The following LRP1B variants were observed in gnomAD, a reference collection of about 807,000 sequenced individuals.
The protein encoded by LRP1B is LDL receptor related protein 1B.
In LRP1B, 217 loss-of-function variants were observed where a neutral mutation model predicts 556.6. The ratio of observed to expected loss-of-function variants is 0.39; its 90% CI spans 0.35 to 0.44. LRP1B has a LOEUF of 0.44. Among genes scored for constraint, LRP1B ranks in the 20% least tolerant of loss-of-function variants. The pLI is 1.00. For missense variants in LRP1B, 5,053 were observed against 5,620.8 expected (o/e 0.90, Z 3.23); for synonymous variants, 2,047 against 1,865.8 (o/e 1.10, Z -2.50).
chr2:140,582,553 C>G (rs1232720574), intron 43 of LRP1B, among the ~76,000 whole-genome samples: 1 of 152,210 alleles, frequency 6.6e-6, no homozygotes, highest in East Asian at 1.9e-4. Flanking sequence ...CTCATTAGCC[C>G]GTCCTTATAC....
chr2:140,724,557 G>C (rs1294188846), intron 35 of LRP1B, among the ~76,000 whole-genome samples: 1 of 152,060 alleles, frequency 6.6e-6, no homozygotes, highest in Non-Finnish European at 1.5e-5. Flanking sequence ...TCTATATAAA[G>C]TGTGTTTCAA....
intron 37 of LRP1B, among the ~76,000 whole-genome samples, chr2:140,707,025 T>G (rs1158971132): frequency 6.6e-6 from 1 of 152,120 alleles, no homozygotes; most frequent in Non-Finnish European, 1.5e-5. Flanking sequence ...AATGTTATCC[T>G]TATACTCTAC....
intron 1 of LRP1B, among the ~76,000 whole-genome samples, chr2:142,024,572 C>A (rs1253928521): frequency 2.0e-5 from 3 of 149,120 alleles, no homozygotes; most frequent in East Asian, 2.0e-4. Flanking sequence ...TTTCTAGCAA[C>A]TTCCTTCAAT....
chr2:140,234,602 T>A lies in LRP1B; in HGVS notation c.13659+184A>T. On this transcript the variant is annotated intron_variant, in intron 90 of 90. Transcript: ENST00000389484. ...CTACTTAATGGCTTGCCTAAAATAA[T>A]GTTTTAGATGTAATCTTGCATAGAC... 4 of 457,268 alleles carry A rather than the reference T, an allele frequency of 8.7e-6. No homozygotes were observed. The South Asian group carries it at 1.8e-4, about 20-fold the overall frequency. 28.3% of individuals were successfully genotyped at this position (457,268 alleles called of 1,614,324 possible).
chr2:141,501,986 TC>T (rs1271189538), intron 2 of LRP1B, among the ~76,000 whole-genome samples: 9 of 152,054 alleles, frequency 5.9e-5, no homozygotes, highest in Admixed American at 5.9e-4. Context: ...AACCTCATGA[TC>T]TAACCTCAAA....
Position 141,224,530 on chromosome 2 carries a change from C to T in LRP1B, c.850+4653G>A, listed in dbSNP as rs192754189. Among the ~76,000 whole-genome samples the T allele has an allele frequency of 3.8e-4, 58 of 152,214 alleles. 2 individuals carry two copies. In the South Asian group the frequency reaches 9.1e-3, roughly 24 times the overall value. On this transcript the variant is annotated intron_variant, in intron 6 of 90. Transcript: ENST00000389484. Reference sequence around the variant, plus strand: ...TCATTCTATTGTAAAGATAGATGCACGTGTATGTTCATTTCAGCACTATTC... The same window carrying T: ...TCATTCTATTGTAAAGATAGATGCATGTGTATGTTCATTTCAGCACTATTC...
chr2:140,870,596 A>G (rs1693098310), intron 25 of LRP1B, among the ~76,000 whole-genome samples: 1 of 152,150 alleles, frequency 6.6e-6, no homozygotes, highest in African/African-American at 2.4e-5. Context: ...TTGCTCTTAC[A>G]GTAGTAATCA....
intron 2 of LRP1B, among the ~76,000 whole-genome samples, chr2:141,508,022 G>A (rs1165330695): frequency 6.6e-6 from 1 of 151,800 alleles, no homozygotes; most frequent in East Asian, 1.9e-4. Flanking sequence ...GGAGGTGGAG[G>A]TGGCAGTGAG....
intron 1 of LRP1B, among the ~76,000 whole-genome samples, chr2:141,901,698 G>A (rs2104934790): frequency 6.6e-6 from 1 of 151,944 alleles, no homozygotes; most frequent in Middle Eastern, 3.4e-3. Context: ...TAGTATGTGA[G>A]AAATTCATGA....
In LRP1B at chr2:142,115,564, A is replaced by AAT. The variant is rs70994476; in HGVS notation, c.82+15082_82+15083dup. On this transcript the variant is annotated intron_variant, in intron 1 of 90. Coordinates refer to ENST00000389484, the MANE Select transcript of LRP1B (RefSeq NM_018557.3). Reference sequence around the variant, plus strand: ...TATGTAATATATATATTATATATGTAATATATATTATATATGTAATATATA... The same window carrying AAT: ...TATGTAATATATATATTATATATGTAATATATATATTATATATGTAATATATA... 8.5e-4 allele frequency among the ~76,000 whole-genome samples: 35 copies of AAT among 40,996 alleles called. 4 individuals carry two copies. Among genetic ancestry groups the AAT allele is most frequent in the African/African-American group, 1.5e-3 (16 of 10,366 alleles). 26.9% of individuals were successfully genotyped at this position (40,996 alleles called of 152,430 possible). A position where few individuals can be genotyped will look rare whatever the true frequency, so the allele number is the denominator to read the frequency against.
intron 2 of LRP1B, among the ~76,000 whole-genome samples, chr2:141,583,562 A>T (rs559024536): frequency 1.3e-4 from 20 of 151,972 alleles, no homozygotes; most frequent in Non-Finnish European, 2.4e-4. Context: ...AATGAAGTTG[A>T]CTCTGATAAA....
intron 49 of LRP1B, among the ~76,000 whole-genome samples, chr2:140,517,482 A>C (rs1485850): frequency 0.77 from 116,382 of 151,758 alleles, 45,308 homozygotes; most frequent in Middle Eastern, 0.88. Context: ...TTCTGTGGCC[A>C]TCTATTTGGA....
In LRP1B at chr2:141,139,331, C is replaced by G. The variant is rs1178551610; in HGVS notation, c.1013+49090G>C. 1.1e-4 allele frequency among the ~76,000 whole-genome samples: 16 copies of G among 151,880 alleles called. No homozygotes were observed. In the East Asian group the frequency reaches 3.1e-3, roughly 29 times the overall value. On this transcript the variant is annotated intron_variant, in intron 7 of 90. Transcript: ENST00000389484. ...AAGATTAAATTTAACACCAACATCA[C>G]AGTCTATAAAAAAAATGATAAACTT...
chr2:141,880,782 C>T (rs1276580112), intron 1 of LRP1B, among the ~76,000 whole-genome samples: 6 of 151,988 alleles, frequency 3.9e-5, no homozygotes, highest in Non-Finnish European at 8.8e-5. Context: ...TCTTCTACAG[C>T]TAAGCTTGGT....
chr2:140,628,711 G>T (rs1574162179), intron 41 of LRP1B, among the ~76,000 whole-genome samples: 1 of 152,090 alleles, frequency 6.6e-6, no homozygotes, highest in Admixed American at 6.5e-5. Flanking sequence ...GTATATTATG[G>T]TTAGGATTTG....
At chr2:141,251,899 A>G (rs1230139414) in intron 4 of LRP1B, among the ~76,000 whole-genome samples, 1 of 152,144 alleles carries the variant, frequency 6.6e-6, no homozygotes, top group African/African-American at 2.4e-5. Flanking sequence ...CTGTCTGCTC[A>G]TATCCCTCAG....
chr2:140,875,779 C>T (rs1036885221), intron 25 of LRP1B, among the ~76,000 whole-genome samples: 1 of 152,048 alleles, frequency 6.6e-6, no homozygotes, highest in South Asian at 2.1e-4. Context: ...GTTCAGTTTT[C>T]TTTGGGCTGT....
chr2:140,679,307 T>G (rs1685782033), intron 41 of LRP1B, among the ~76,000 whole-genome samples: 1 of 152,202 alleles, frequency 6.6e-6, no homozygotes. Flanking sequence ...ATATATCAAT[T>G]TAGAGGACTA....
chr2:140,617,609 G>A (rs966522399), intron 41 of LRP1B, among the ~76,000 whole-genome samples: 4 of 151,768 alleles, frequency 2.6e-5, no homozygotes, highest in African/African-American at 9.7e-5. Flanking sequence ...TTTCAGATAA[G>A]GATAAATGTT....
Sources: allele counts gnomAD v4.1 joint callset (sites outside exome capture counted in the v4.1 genomes callset), GRCh38; gene constraint gnomAD v4.1.1; transcripts MANE v1.5; gene names NCBI Gene and HGNC (gene_info 2026-07-23, HGNC 2026-07-21).